BCAS1: variants seen among roughly 807,000 people sequenced by gnomAD.
BCAS1 encodes the protein brain enriched myelin associated protein 1.
BCAS1 carries 46 observed loss-of-function variants against 65.4 expected under a neutral mutation model. The ratio of observed to expected loss-of-function variants is 0.70; its 90% confidence interval spans 0.55 to 0.90. The LOEUF (loss-of-function observed/expected upper bound fraction) is 0.90. Among genes scored for constraint, BCAS1 ranks in the 40% least tolerant of loss-of-function variants. The pLI is 0.00. For synonymous variants in BCAS1, 298 were observed against 293.5 expected (o/e 1.02, Z -0.16); for missense variants, 793 against 771.2 (o/e 1.03, Z -0.33).
In BCAS1 at chr20:53,996,012, A is replaced by C; in HGVS notation, c.762T>G (p.Leu254=). Residue 254 remains leucine, a synonymous_variant, in exon 5 of 13, where the codon CTT becomes CTG. Coordinates refer to ENST00000688948, the MANE Select transcript of BCAS1 (RefSeq NM_001366298.2). ...VDGKEKEGQE[L]GTADCSVPGD... Reference sequence around the variant, plus strand: ...CAGGGACAGAGCAATCCGCAGTTCCAAGTTCTTGTCCTTCTTTTTCCTTGC... The same window carrying C: ...CAGGGACAGAGCAATCCGCAGTTCCCAGTTCTTGTCCTTCTTTTTCCTTGC... 6.2e-7 allele frequency: 1 copy of C among 1,610,006 alleles called. No individual in the cohort carries two copies. The highest frequency in any genetic ancestry group is 8.5e-7 in the Non-Finnish European group (1 of 1,178,004).
chr20:54,057,263 C>T (rs996183390), intron 3 of BCAS1, among the ~76,000 whole-genome samples: 3 of 152,182 alleles, frequency 2.0e-5, no homozygotes, highest in African/African-American at 7.2e-5. Context: ...CTGATAATGG[C>T]AGAGGCTGTG....
chr20:53,992,430 G>T, intron 7 of BCAS1, 82 bp downstream of exon 7: 1 of 1,187,560 alleles, frequency 8.4e-7, no homozygotes, highest in Non-Finnish European at 1.1e-6. Flanking sequence ...TTACTGGAGA[G>T]GAGCTGGGTG....
At chr20:53,968,290 G>A (rs958707604) in intron 9 of BCAS1, among the ~76,000 whole-genome samples, 6 of 152,288 alleles carry the variant, frequency 3.9e-5, no homozygotes, top group Middle Eastern at 3.4e-3. Flanking sequence ...TTCATCTGCT[G>A]CCTCCCTGGA....
In BCAS1 at chr20:54,046,843, C is replaced by CA. The variant is rs74179264; in HGVS notation, c.142+11241dup. Among the ~76,000 whole-genome samples, 854 of 117,734 alleles carry CA rather than the reference C, an allele frequency of 7.3e-3. 27 individuals are homozygous for CA. The highest frequency in any genetic ancestry group is 0.022 in the African/African-American group (681 of 30,290). 77.2% of individuals were successfully genotyped at this position (117,734 alleles called of 152,430 possible). A position where few individuals can be genotyped will look rare whatever the true frequency, so the allele number is the denominator to read the frequency against. On this transcript the variant is annotated intron_variant, in intron 3 of 12. Transcript: ENST00000688948. ...TGGGTGACAGAGTGAGACTCTGTCT[C>CA]AAAAAAAAAAAAAAAGAATTCAGGC...
At chr20:54,048,594 C>T (rs565317658) in intron 3 of BCAS1, among the ~76,000 whole-genome samples, 35 of 152,296 alleles carry the variant, frequency 2.3e-4, no homozygotes, top group Non-Finnish European at 4.0e-4. Flanking sequence ...TCTGTGACAG[C>T]CATCTTGTGA....
intron 7 of BCAS1, among the ~76,000 whole-genome samples, chr20:53,989,250 G>A (rs552696717): frequency 6.6e-6 from 1 of 152,144 alleles, no homozygotes; most frequent in Non-Finnish European, 1.5e-5. Context: ...TCATAGGGAA[G>A]TGACCAATTT....
intron 4 of BCAS1, among the ~76,000 whole-genome samples, chr20:54,005,479 C>A (rs1190644851): frequency 6.6e-6 from 1 of 152,106 alleles, no homozygotes; most frequent in Admixed American, 6.5e-5. Context: ...CAGAGCAAGA[C>A]CCTGTCTCAA....
At chr20:54,032,676 T>C (rs1249123452) in intron 3 of BCAS1, among the ~76,000 whole-genome samples, 2 of 151,168 alleles carry the variant, frequency 1.3e-5, no homozygotes, top group African/African-American at 2.4e-5. Context: ...GTTGCAATCC[T>C]AGTTGCCGTC....
chr20:53,978,119 T>C lies in BCAS1; in HGVS notation c.1276-2689A>G, dbSNP rs2108454. 8.6e-3 allele frequency among the ~76,000 whole-genome samples: 1,234 copies of C among 143,446 alleles called. 44 individuals are homozygous for C. Among genetic ancestry groups the C allele is most frequent in the Admixed American group, 0.064 (858 of 13,490 alleles). 94.1% of individuals were successfully genotyped at this position (143,446 alleles called of 152,430 possible). ...GTGTTCTCATTGTTCAATTCCCACC[T>C]ATGAGTGAGAATATGCAGTGTTTGG... On this transcript the variant is annotated intron_variant, in intron 8 of 12. Transcript: ENST00000688948.
In BCAS1 at chr20:54,048,889, C is replaced by G. The variant is rs139629822; in HGVS notation, c.142+9196G>C. Among the ~76,000 whole-genome samples the G allele has an allele frequency of 1.8e-3, 277 of 152,220 alleles. 1 individual carries two copies. Among genetic ancestry groups the G allele is most frequent in the African/African-American group, 6.5e-3 (271 of 41,530 alleles). On this transcript the variant is annotated intron_variant, in intron 3 of 12. Coordinates refer to ENST00000688948, the MANE Select transcript of BCAS1 (RefSeq NM_001366298.2). ...TCAGGCCTTGTGCTGAGCTCTGGGA[C>G]CCTCATAACAAGAAAGGATGGCAAG... is the stretch of plus-strand genomic sequence containing the variant.
intron 9 of BCAS1, among the ~76,000 whole-genome samples, chr20:53,974,327 A>G (rs753895074): frequency 2.0e-5 from 3 of 152,124 alleles, no homozygotes; most frequent in Admixed American, 6.5e-5. Flanking sequence ...CACCTTTAAG[A>G]GCTGTAACAC....
Position 54,028,679 on chromosome 20 carries a change from G to A in BCAS1, c.436C>T (p.Pro146Ser), listed in dbSNP as rs753505143. ...ESWTLPVAAGPGQDTDKTPGH... is the reference protein window; with the variant it reads ...ESWTLPVAAGSGQDTDKTPGH... The stretch of plus-strand genomic sequence containing the variant: ...GGGGTTTTATCTGTGTCCTGCCCCG[G>A]TCCAGCTGCCACCGGAAGTGTCCAG... Residue 146 changes from proline (P) to serine (S), a missense_variant, in exon 4 of 13, where the codon CCG (proline) becomes TCG (serine). Pro to Ser is a moderately conservative substitution (Grantham distance 74). Coordinates refer to ENST00000688948, the MANE Select transcript of BCAS1 (RefSeq NM_001366298.2). 6.2e-6 allele frequency: 10 copies of A among 1,614,044 alleles called. No homozygotes were observed. Among genetic ancestry groups the A allele is most frequent in the African/African-American group, 1.3e-5 (1 of 74,900 alleles).
chr20:54,049,886 T>C (rs2092180031), intron 3 of BCAS1, among the ~76,000 whole-genome samples: 1 of 152,232 alleles, frequency 6.6e-6, no homozygotes, highest in Non-Finnish European at 1.5e-5. Context: ...AGCCAAAACC[T>C]ATGCTTGGGT....
At chr20:54,002,823 G>A (rs916761155) in intron 4 of BCAS1, among the ~76,000 whole-genome samples, 5 of 152,066 alleles carry the variant, frequency 3.3e-5, no homozygotes, top group Admixed American at 3.3e-4. Flanking sequence ...TTGCAAACAA[G>A]AATTGAAGCT....
At chr20:54,018,831 A>T (rs1400086089) in intron 4 of BCAS1, among the ~76,000 whole-genome samples, 1 of 152,186 alleles carries the variant, frequency 6.6e-6, no homozygotes, top group Non-Finnish European at 1.5e-5. Flanking sequence ...TGTTATGACG[A>T]AGGACAACCT....
At chr20:54,024,625 G>A (rs995538423) in intron 4 of BCAS1, among the ~76,000 whole-genome samples, 1 of 152,236 alleles carries the variant, frequency 6.6e-6, no homozygotes, top group African/African-American at 2.4e-5. Flanking sequence ...AGATAGCCAA[G>A]AAGTGAACCC....
intron 3 of BCAS1, among the ~76,000 whole-genome samples, chr20:54,032,566 T>C (rs146998000): frequency 5.3e-5 from 8 of 151,248 alleles, no homozygotes; most frequent in African/African-American, 1.7e-4. Flanking sequence ...TGGTATACTG[T>C]CTTCAAGAGA....
intron 1 of BCAS1, among the ~76,000 whole-genome samples, chr20:54,064,258 G>A (rs2092409778): frequency 6.6e-6 from 1 of 152,350 alleles, no homozygotes; most frequent in African/African-American, 2.4e-5. Context: ...ATCTCTAGGT[G>A]ATTTCCATGG....
At chr20:53,950,442 C>CA (rs995854544) in intron 12 of BCAS1, among the ~76,000 whole-genome samples, 8 of 150,900 alleles carry the variant, frequency 5.3e-5, no homozygotes, top group Admixed American at 4.0e-4. Flanking sequence ...ACACCCCGCC[C>CA]CCAGACACAC....
Sources: allele counts gnomAD v4.1 joint callset (sites outside exome capture counted in the v4.1 genomes callset), GRCh38; gene constraint gnomAD v4.1.1; transcripts MANE v1.5; gene names NCBI Gene and HGNC (gene_info 2026-07-23, HGNC 2026-07-21).